FIBP: variants seen among roughly 807,000 people sequenced by gnomAD.
FIBP encodes FGF1 intracellular binding protein.
FIBP carries 29 observed loss-of-function variants against 40.5 expected under a neutral mutation model. The ratio of observed to expected loss-of-function variants is 0.72; its 90% CI spans 0.53 to 0.98. The LOEUF is 0.98. Ranked by LOEUF, FIBP falls within the 50% of genes least tolerant of loss-of-function variation. The probability of loss-of-function intolerance (pLI) is 0.00; values close to 1 mark genes in which losing one functional copy is unlikely to be tolerated. For synonymous variants in FIBP, 215 were observed against 191.1 expected (o/e 1.13, Z -1.03); for missense variants, 411 against 470.2 (o/e 0.87, Z 1.16).
At chr11:65,885,709 T>C (rs1427536227) in intron 4 of FIBP, 46 bp from the exon 5 acceptor site, 1 of 1,554,254 alleles carries the variant, frequency 6.4e-7, no homozygotes, top group South Asian at 1.2e-5. Flanking sequence ...AAATTCCTTC[T>C]TAGGAAGCAG....
chr11:65,883,837 C>T lies in FIBP; in HGVS notation c.*137G>A. The T allele has an allele frequency of 3.7e-6, 3 of 805,778 alleles. No individual in the cohort carries two copies. Among genetic ancestry groups the T allele is most frequent in the South Asian group, 1.6e-5 (1 of 60,810 alleles). 49.9% of individuals were successfully genotyped at this position (805,778 alleles called of 1,614,324 possible). A position where few individuals can be genotyped will look rare whatever the true frequency, so the allele number is the denominator to read the frequency against. On this transcript the variant is annotated 3_prime_UTR_variant, in exon 10 of 10. Transcript: ENST00000357519. ...CAAGGAGCCACTGTACACATCCATC[C>T]TTGTACACGGACACCAGGTGCTCAG...
chr11:65,885,669 C>T lies in FIBP; in HGVS notation c.513-6G>A. ...AGACGATGGCTGCATAGTCCCTGCACAGACGAGAGGAGGGTCCTCTTAGGG... is the reference window on the plus strand; with the variant it reads ...AGACGATGGCTGCATAGTCCCTGCATAGACGAGAGGAGGGTCCTCTTAGGG... On this transcript the variant is annotated splice_region_variant and splice_polypyrimidine_tract_variant and intron_variant, in intron 4 of 9. Coordinates refer to ENST00000357519, the MANE Select transcript of FIBP (RefSeq NM_004214.5). 6.2e-7 allele frequency: 1 copy of T among 1,608,620 alleles called. No individual in the cohort carries two copies. Among genetic ancestry groups the T allele is most frequent in the Non-Finnish European group, 8.5e-7 (1 of 1,176,390 alleles).
rs2134776802 is a variant in FIBP at position 65,887,609 on chromosome 11, G to A, written c.402C>T (p.Cys134=). Residue 134 remains cysteine, a synonymous_variant, in exon 3 of 10, where the codon TGC becomes TGT. Transcript: ENST00000357519. ...TGGATGCAGTGCATACCTGTCTCCG[G>A]CAGCTCTTGAGGGTGATGCCTGTTT... ...STKTGITLKS[C]RRQFDNFKRV... is the part of the protein sequence containing the mutation. The A allele has an allele frequency of 2.5e-6, 4 of 1,614,104 alleles. No homozygotes were observed. The highest frequency in any genetic ancestry group is 1.3e-5 in the African/African-American group (1 of 75,040).
intron 3 of FIBP, 147 bp downstream of exon 3, chr11:65,887,453 A>G: frequency 1.0e-6 from 1 of 965,104 alleles, no homozygotes; most frequent in Non-Finnish European, 1.6e-6. Flanking sequence ...CTCGAAAAAA[A>G]AAAAAAAAAA....
Position 65,884,626 on chromosome 11 carries a change from C to A in FIBP, c.850G>T (p.Ala284Ser), listed in dbSNP as rs373746184. 6 of 1,614,030 alleles carry A rather than the reference C, an allele frequency of 3.7e-6. No individual in the cohort carries two copies. In the African/African-American group the frequency reaches 5.3e-5, roughly 14 times the overall value. Residue 284 changes from alanine (A) to serine (S), a missense_variant, in exon 8 of 10, where the codon GCC becomes TCC. Ala to Ser is a moderately conservative substitution (Grantham distance 99). Coordinates refer to ENST00000357519, the MANE Select transcript of FIBP (RefSeq NM_004214.5). ...NLSRGLVNVAAKLTHNKDVRD... is the reference protein window; with the variant it reads ...NLSRGLVNVASKLTHNKDVRD... ...ACATCTTTATTGTGGGTCAGCTTGG[C>A]GGCCACGTTCACCAGCCCCCGGGAC... is the stretch of plus-strand genomic sequence containing the variant.
Position 65,886,361 on chromosome 11 carries a change from T to C in FIBP, c.473A>G (p.Asn158Ser). 3 of 1,613,874 alleles carry C rather than the reference T, an allele frequency of 1.9e-6. No individual in the cohort carries two copies. Among genetic ancestry groups the C allele is most frequent in the Non-Finnish European group, 2.5e-6 (3 of 1,179,958 alleles). Residue 158 changes from asparagine to serine, a missense_variant, in exon 4 of 10, where the codon AAT becomes AGT. Transcript: ENST00000357519. ...VEEMRGSLVD[N>S]IQQHFLLSDR... ...AGAGAGGAGGAAGTGTTGCTGAATA[T>C]TGTCCACCAGGGAGCCCCGCATTTC...
chr11:65,886,182 A>AG (rs1860231424), intron 4 of FIBP, 140 bp downstream of exon 4: 1 of 531,366 alleles, frequency 1.9e-6, no homozygotes, highest in African/African-American at 1.9e-5. Context: ...AAAAAAAAAA[A>AG]AAAAAAAAGT....
Position 65,885,102 on chromosome 11 carries a change from T to C in FIBP, c.731A>G (p.Lys244Arg). 6.2e-7 allele frequency: 1 copy of C among 1,614,032 alleles called. No homozygotes were observed. Among genetic ancestry groups the C allele is most frequent in the Non-Finnish European group, 8.5e-7 (1 of 1,179,972 alleles). The change falls in exon 6 of 10, where the codon AAG becomes AGG. Residue 244 changes from lysine to arginine, a missense_variant. Transcript: ENST00000357519. ...CCTCTTGTGCAGGTCCAGAAGGTCC[T>C]TGTCAGCCACTAGCACCTTGAGCTC... Reference protein sequence around the residue: ...LKELKVLVADKDLLDLHKSLV... With the variant: ...LKELKVLVADRDLLDLHKSLV...
intron 3 of FIBP, chr11:65,886,657 A>G (rs577590317): frequency 2.1e-6 from 1 of 472,368 alleles, no homozygotes; most frequent in Admixed American, 3.6e-5. Context: ...ACTCAATCTT[A>G]TCTCTAAATC....
In FIBP at chr11:65,888,103, A is replaced by G; in HGVS notation, c.115T>C (p.Ser39Pro). Residue 39 changes from serine to proline, a missense_variant, in exon 2 of 10, where the codon TCG (serine) becomes CCG (proline). Coordinates refer to ENST00000357519, the MANE Select transcript of FIBP (RefSeq NM_004214.5). ...VTDAVALRVRSGILEQTGATA... is the reference protein window; with the variant it reads ...VTDAVALRVRPGILEQTGATA... ...GCGCCAGTCTGCTCCAGGATTCCCG[A>G]GCGCACCCGCAGGGCCACCGCGTCG... 5 of 1,592,108 alleles carry G rather than the reference A, an allele frequency of 3.1e-6. No individual in the cohort carries two copies. The South Asian group carries it at 5.6e-5, about 18-fold the overall frequency.
Position 65,884,250 on chromosome 11 carries a change from G to A in FIBP, c.1004+142C>T, listed in dbSNP as rs899645192. On this transcript the variant is annotated intron_variant, in intron 9 of 9. Transcript: ENST00000357519. ...CCCAAATCACACAGCTTCTAAGAGG[G>A]AGAGCCAGAGCTTTGGTCCAGAGAC... The A allele has an allele frequency of 4.9e-6, 4 of 818,254 alleles. No individual in the cohort carries two copies. The African/African-American group carries it at 6.9e-5, about 14-fold the overall frequency. 50.7% of individuals were successfully genotyped at this position (818,254 alleles called of 1,614,324 possible).
At position 65,883,852 on chromosome 11, in the gene FIBP, C is replaced by G. The variant is rs771824687; in HGVS notation, c.*122G>C. The G allele has an allele frequency of 2.0e-5, 17 of 857,954 alleles. No homozygotes were observed. The Middle Eastern group carries it at 2.3e-3, about 114-fold the overall frequency. 53.1% of individuals were successfully genotyped at this position (857,954 alleles called of 1,614,324 possible). A position where few individuals can be genotyped will look rare whatever the true frequency, so the allele number is the denominator to read the frequency against. ...CACATCCATCCTTGTACACGGACAC[C>G]AGGTGCTCAGAGACAGACACAGGCA... On this transcript the variant is annotated 3_prime_UTR_variant, in exon 10 of 10. Transcript: ENST00000357519.
chr11:65,887,723 G>C lies in FIBP; in HGVS notation c.288C>G (p.Tyr96Ter). 1.2e-6 allele frequency: 2 copies of C among 1,614,148 alleles called. No homozygotes were observed. Among genetic ancestry groups the C allele is most frequent in the Non-Finnish European group, 8.5e-7 (1 of 1,180,034 alleles). The stretch of plus-strand genomic sequence containing the variant: ...GAACAAAGGCCTCATCAAAGGCATA[G>C]TACCTTGTGGAGTCAGAGAACACCA... ...PSRQALLIER[Y>*]YAFDEAFVRE... The change falls in exon 3 of 10, where the codon TAC (tyrosine) becomes TAG (stop). Residue 96 changes from tyrosine to a stop codon, truncating the protein, a stop_gained. Transcript: ENST00000357519. LOFTEE classifies it high-confidence loss of function.
chr11:65,884,155 C>T lies in FIBP; in HGVS notation c.1005-112G>A. ...TCATTTTGCCCTTAGAAAATCCTTACAATTCTTCTCATGATGAACCCTAGT... is the reference window on the plus strand; with the variant it reads ...TCATTTTGCCCTTAGAAAATCCTTATAATTCTTCTCATGATGAACCCTAGT... On this transcript the variant is annotated intron_variant, in intron 9 of 9. Coordinates refer to ENST00000357519, the MANE Select transcript of FIBP (RefSeq NM_004214.5). 4.4e-6 allele frequency: 4 copies of T among 904,926 alleles called. No individual in the cohort carries two copies. The South Asian group carries it at 4.6e-5, about 10-fold the overall frequency. 56.1% of individuals were successfully genotyped at this position (904,926 alleles called of 1,614,324 possible).
intron 1 of FIBP, 24 bp downstream of exon 1, chr11:65,888,310 C>T: frequency 6.5e-7 from 1 of 1,545,206 alleles, no homozygotes; most frequent in South Asian, 1.2e-5. Context: ...CGCCGACTGG[C>T]TTCCCCACAC....
intron 7 of FIBP, 118 bp from the exon 8 acceptor site, chr11:65,884,774 C>G: frequency 7.6e-7 from 1 of 1,316,980 alleles, no homozygotes; most frequent in Non-Finnish European, 1.1e-6. Context: ...CCTCCATCAA[C>G]CAAGTCCCCA....
Position 65,886,306 on chromosome 11 carries a change from G to A in FIBP, c.512+16C>T. The A allele has an allele frequency of 6.3e-7, 1 of 1,576,544 alleles. No individual in the cohort carries two copies. The highest frequency in any genetic ancestry group is 8.7e-7 in the Non-Finnish European group (1 of 1,146,384). ...AGGAAGTAGTGTGCGGGATGGGGAG[G>A]TGGCTAGCTCCTCACCTGGCCAACC... On this transcript the variant is annotated intron_variant, in intron 4 of 9. Coordinates refer to ENST00000357519, the MANE Select transcript of FIBP (RefSeq NM_004214.5).
rs1293573429 is a variant in FIBP, at chr11:65,885,631, T to C, written c.545A>G (p.Asn182Ser). Reference protein sequence around the residue: ...DYAAIVFFANNRFETGKKKLQ... With the variant: ...DYAAIVFFANSRFETGKKKLQ... ...TTTTTTCTTCCCTGTCTCAAAGCGG[T>C]TGTTAGCAAAGAAGACGATGGCTGC... The change falls in exon 5 of 10, where the codon AAC becomes AGC. Residue 182 changes from asparagine to serine, a missense_variant. By Grantham distance (46) the Asn-to-Ser change is conservative. Transcript: ENST00000357519. 3 of 1,614,060 alleles carry C rather than the reference T, an allele frequency of 1.9e-6. No homozygotes were observed. The highest frequency in any genetic ancestry group is 2.5e-6 in the Non-Finnish European group (3 of 1,179,978).
intron 1 of FIBP, 82 bp downstream of exon 1, chr11:65,888,252 A>G (rs1421814821): frequency 7.4e-6 from 11 of 1,482,286 alleles, no homozygotes; most frequent in African/African-American, 1.4e-5. Flanking sequence ...TCCCTAAAGG[A>G]TGCCCAAGTC....
Sources: gnomAD v4.1 joint callset for allele counts on GRCh38, gnomAD v4.1.1 for gene constraint, MANE v1.5 for transcripts, NCBI Gene and HGNC (gene_info 2026-07-23, HGNC 2026-07-21) for gene names.